SUPT3H: variants seen among roughly 807,000 people sequenced by gnomAD.
SUPT3H encodes the protein transcription initiation protein SPT3 homolog.
In SUPT3H, 44 loss-of-function variants were observed where a neutral mutation model predicts 44.3. That is an observed-to-expected ratio of 0.99 (90% CI 0.78 to 1.28). The LOEUF (loss-of-function observed/expected upper bound fraction) is 1.28. Ranked by LOEUF, SUPT3H falls within the 50% of genes most tolerant of loss-of-function variation. The pLI is 0.00. For synonymous variants in SUPT3H, 124 were observed against 125.6 expected (o/e 0.99, Z 0.09); for missense variants, 380 against 387.1 (o/e 0.98, Z 0.15).
At chr6:45,230,174 G>A (rs1203216789) in intron 2 of SUPT3H, among the ~76,000 whole-genome samples, 2 of 152,168 alleles carry the variant, frequency 1.3e-5, no homozygotes, top group Non-Finnish European at 2.9e-5. Flanking sequence ...TAGATAAAAT[G>A]ACTTCCAGTT....
intron 11 of SUPT3H, among the ~76,000 whole-genome samples, chr6:44,821,499 A>T (rs751078693): frequency 6.6e-6 from 1 of 152,170 alleles, no homozygotes; most frequent in African/African-American, 2.4e-5. Flanking sequence ...TTTTCATTAT[A>T]TGTGACTTTG....
chr6:45,203,252 C>A (rs542625219), intron 2 of SUPT3H, among the ~76,000 whole-genome samples: 1 of 152,206 alleles, frequency 6.6e-6, no homozygotes, highest in South Asian at 2.1e-4. Flanking sequence ...GAGGTGCAGT[C>A]CATAAAGTTT....
At chr6:45,230,057 C>G (rs1281525459) in intron 2 of SUPT3H, among the ~76,000 whole-genome samples, 1 of 151,966 alleles carries the variant, frequency 6.6e-6, no homozygotes, top group Non-Finnish European at 1.5e-5. Flanking sequence ...TGTTTTAGTC[C>G]CAGATATGAG....
intron 10 of SUPT3H, among the ~76,000 whole-genome samples, chr6:44,872,406 T>G (rs1776540518): frequency 8.2e-6 from 1 of 121,616 alleles, no homozygotes; most frequent in African/African-American, 3.1e-5. Context: ...CTAAACTTCA[T>G]AAGTGAAGGA....
At chr6:45,280,664 C>T (rs181967929) in intron 2 of SUPT3H, among the ~76,000 whole-genome samples, 1 of 152,290 alleles carries the variant, frequency 6.6e-6, no homozygotes, top group African/African-American at 2.4e-5. Context: ...TTATTAATTA[C>T]TCCCCTTGTA....
chr6:45,298,535 G>C (rs1290756868), intron 2 of SUPT3H, among the ~76,000 whole-genome samples: 1 of 140,518 alleles, frequency 7.1e-6, no homozygotes, highest in Non-Finnish European at 1.5e-5. Flanking sequence ...TTTTTTTTTT[G>C]AGATGGAGTC....
intron 2 of SUPT3H, among the ~76,000 whole-genome samples, chr6:45,176,315 G>C (rs1200123399): frequency 4.6e-5 from 7 of 151,808 alleles, no homozygotes; most frequent in African/African-American, 1.7e-4. Flanking sequence ...AGGGGTGACG[G>C]ACGCACCTGG....
At chr6:45,212,481 ATGTGTG>A (rs11269206) in intron 2 of SUPT3H, among the ~76,000 whole-genome samples, 2,060 of 42,050 alleles carry the variant, frequency 0.049, 33 homozygotes, top group Admixed American at 0.058. Context: ...CACCTCCACT[ATGTGTG>A]TGTGTGTGTG....
At chr6:45,314,478 T>C (rs911166513) in intron 2 of SUPT3H, among the ~76,000 whole-genome samples, 1 of 152,180 alleles carries the variant, frequency 6.6e-6, no homozygotes, top group African/African-American at 2.4e-5. Context: ...CACAAATCAG[T>C]AGCTCTTCTA....
intron 3 of SUPT3H, among the ~76,000 whole-genome samples, chr6:45,028,088 G>A (rs1786312309): frequency 6.6e-6 from 1 of 152,104 alleles, no homozygotes; most frequent in Admixed American, 6.5e-5. Context: ...TTTGAAAAAT[G>A]TTCTTGGACT....
At chr6:44,830,553 T>G (rs115159173) in intron 10 of SUPT3H, among the ~76,000 whole-genome samples, 3,853 of 152,206 alleles carry the variant, frequency 0.025, 175 homozygotes, top group African/African-American at 0.087. Context: ...GTTGCATGCT[T>G]TTCATTCCAA....
chr6:44,892,315 A>C (rs543159572), intron 10 of SUPT3H, among the ~76,000 whole-genome samples: 1 of 152,006 alleles, frequency 6.6e-6, no homozygotes, highest in African/African-American at 2.4e-5. Flanking sequence ...GGAGAGAGGG[A>C]TCTCTCTCTC....
At chr6:45,299,733 AGT>A (rs1025507546) in intron 2 of SUPT3H, among the ~76,000 whole-genome samples, 15 of 151,040 alleles carry the variant, frequency 9.9e-5, no homozygotes, top group African/African-American at 3.6e-4. Context: ...TGGGCAACAC[AGT>A]GAGACCCCGG....
At chr6:45,037,514 G>C (rs1292328231) in intron 3 of SUPT3H, among the ~76,000 whole-genome samples, 1 of 150,184 alleles carries the variant, frequency 6.7e-6, no homozygotes, top group African/African-American at 2.4e-5. Flanking sequence ...GAAAAAAAAA[G>C]TTAGCCAGGT....
chr6:45,106,681 C>T (rs1429730091), intron 2 of SUPT3H, among the ~76,000 whole-genome samples: 2 of 151,948 alleles, frequency 1.3e-5, no homozygotes, highest in Admixed American at 1.3e-4. Context: ...GGACTACAGG[C>T]GCGTGCCACC....
intron 2 of SUPT3H, among the ~76,000 whole-genome samples, chr6:45,207,053 T>C (rs1763323037): frequency 1.3e-5 from 2 of 152,052 alleles, no homozygotes; most frequent in African/African-American, 4.8e-5. Flanking sequence ...TAAGTTTAGA[T>C]AGAGAAGATA....
In SUPT3H at chr6:45,328,716, A is replaced by G. The variant is rs781491444; in HGVS notation, c.101+36485T>C. The G allele has an allele frequency of 6.3e-6, 10 of 1,598,816 alleles. No individual in the cohort carries two copies. The East Asian group carries it at 2.2e-4, about 36-fold the overall frequency. ...GGGTACAAGTTCTATCTGAAAAAAA[A>G]AGGAGGGACTATGGCATCAAACAGC... On this transcript the variant is annotated intron_variant, in intron 2 of 10. Transcript: ENST00000371459.
intron 2 of SUPT3H, among the ~76,000 whole-genome samples, chr6:45,285,044 C>G (rs1230308498): frequency 6.6e-6 from 1 of 151,792 alleles, no homozygotes. Flanking sequence ...ATTCAACAGC[C>G]CTTCATGCTA....
intron 4 of SUPT3H, among the ~76,000 whole-genome samples, chr6:45,015,913 T>C (rs1027639214): frequency 1.3e-5 from 2 of 151,980 alleles, no homozygotes; most frequent in African/African-American, 2.4e-5. Context: ...ATAGCATGCA[T>C]GGAACTGTCA....
Sources: allele counts gnomAD v4.1 joint callset (sites outside exome capture counted in the v4.1 genomes callset), GRCh38; gene constraint gnomAD v4.1.1; transcripts MANE v1.5; gene names NCBI Gene and HGNC (gene_info 2026-07-23, HGNC 2026-07-21).